AKAP6: variants seen among roughly 807,000 people sequenced by gnomAD.
AKAP6 encodes the protein A-kinase anchoring protein 6, also known as A-kinase anchor protein 6.
In AKAP6, 58 loss-of-function variants were observed where a neutral mutation model predicts 188.5. The observed-to-expected ratio is 0.31, with a 90% CI of 0.25 to 0.38. AKAP6 has a LOEUF of 0.38. Among genes scored for constraint, AKAP6 ranks in the 10% least tolerant of loss-of-function variants. AKAP6 has a pLI of 1.00. For synonymous variants in AKAP6, 989 were observed against 998.6 expected (o/e 0.99, Z 0.18); for missense variants, 2,710 against 2,740.0 (o/e 0.99, Z 0.24).
chr14:32,362,001 T>G (rs1887681068), intron 1 of AKAP6, among the ~76,000 whole-genome samples: 1 of 152,060 alleles, frequency 6.6e-6, no homozygotes, highest in South Asian at 2.1e-4. Context: ...AGGTTTGTTG[T>G]AAGAAATGAA....
intron 2 of AKAP6, among the ~76,000 whole-genome samples, chr14:32,454,164 A>C (rs1210913891): frequency 1.3e-5 from 2 of 152,206 alleles, no homozygotes; most frequent in Non-Finnish European, 2.9e-5. Context: ...AACATGTCTC[A>C]AAGTCCATTC....
intron 7 of AKAP6, among the ~76,000 whole-genome samples, chr14:32,657,667 G>T (rs1379127277): frequency 6.6e-6 from 1 of 151,766 alleles, no homozygotes; most frequent in Non-Finnish European, 1.5e-5. Context: ...AATCAGGAAG[G>T]ATATGATTAC....
At chr14:32,521,138 C>G (rs537288807) in intron 2 of AKAP6, among the ~76,000 whole-genome samples, 5 of 152,122 alleles carry the variant, frequency 3.3e-5, no homozygotes, top group Admixed American at 6.5e-5. Flanking sequence ...ATTCAACAGC[C>G]CTTCATGCTA....
intron 1 of AKAP6, among the ~76,000 whole-genome samples, chr14:32,348,641 G>A (rs920985973): frequency 2.6e-5 from 4 of 152,004 alleles, no homozygotes; most frequent in African/African-American, 9.7e-5. Flanking sequence ...TTGAACTCCT[G>A]ATCTCAAATG....
chr14:32,690,952 C>G (rs187592181), intron 8 of AKAP6, among the ~76,000 whole-genome samples: 1 of 152,220 alleles, frequency 6.6e-6, no homozygotes, highest in East Asian at 1.9e-4. Context: ...TATGAGTTTG[C>G]TTTATAACAC....
At chr14:32,736,525 A>G (rs745469826) in intron 11 of AKAP6, among the ~76,000 whole-genome samples, 4 of 152,206 alleles carry the variant, frequency 2.6e-5, no homozygotes, top group South Asian at 2.1e-4. Context: ...GTTTTCCCCT[A>G]TTGCCCAACC....
intron 1 of AKAP6, among the ~76,000 whole-genome samples, chr14:32,331,988 A>G (rs550329535): frequency 6.6e-6 from 1 of 152,248 alleles, no homozygotes; most frequent in East Asian, 1.9e-4. Flanking sequence ...AATCATAGCT[A>G]TCATTTATTC....
intron 7 of AKAP6, among the ~76,000 whole-genome samples, chr14:32,610,036 C>G (rs890514625): frequency 2.0e-5 from 3 of 152,196 alleles, no homozygotes; most frequent in East Asian, 3.9e-4. Flanking sequence ...ATAACATATT[C>G]TATTAATGCG....
intron 9 of AKAP6, among the ~76,000 whole-genome samples, chr14:32,721,651 A>G (rs1049114519): frequency 6.6e-6 from 1 of 152,102 alleles, no homozygotes; most frequent in Non-Finnish European, 1.5e-5. Flanking sequence ...TACAGCTTAC[A>G]TTTTATGTGG....
At chr14:32,372,779 T>A (rs1291388818) in intron 1 of AKAP6, among the ~76,000 whole-genome samples, 1 of 143,218 alleles carries the variant, frequency 7.0e-6, no homozygotes, top group Non-Finnish European at 1.5e-5. Flanking sequence ...TCTGTGTGTG[T>A]GTGTGTGTGT....
intron 1 of AKAP6, among the ~76,000 whole-genome samples, chr14:32,352,920 G>A (rs907543584): frequency 2.6e-5 from 4 of 152,222 alleles, no homozygotes; most frequent in African/African-American, 9.7e-5. Flanking sequence ...ATACCCAGTA[G>A]TGGAATTGCT....
At chr14:32,573,679 G>A (rs904502807) in intron 4 of AKAP6, among the ~76,000 whole-genome samples, 1 of 152,078 alleles carries the variant, frequency 6.6e-6, no homozygotes, top group Non-Finnish European at 1.5e-5. Flanking sequence ...AAAAATAAAT[G>A]ACCAATATTT....
chr14:32,672,238 A>G (rs1370505238), intron 7 of AKAP6, among the ~76,000 whole-genome samples: 1 of 152,208 alleles, frequency 6.6e-6, no homozygotes, highest in Non-Finnish European at 1.5e-5. Flanking sequence ...TGCTAAATGC[A>G]TACAAAATAA....
intron 2 of AKAP6, among the ~76,000 whole-genome samples, chr14:32,519,548 A>G (rs1219285656): frequency 2.6e-5 from 4 of 152,206 alleles, no homozygotes; most frequent in Non-Finnish European, 5.9e-5. Context: ...TTGCAATCTT[A>G]GTCTCTGATA....
At chr14:32,827,470 T>C (rs982902357) in intron 13 of AKAP6, among the ~76,000 whole-genome samples, 1 of 152,144 alleles carries the variant, frequency 6.6e-6, no homozygotes, top group East Asian at 1.9e-4. Flanking sequence ...GTTTTCCAGA[T>C]TTTCAAATGT....
At chr14:32,698,299 C>CTGCT (rs1168059005) in intron 9 of AKAP6, among the ~76,000 whole-genome samples, 3 of 152,120 alleles carry the variant, frequency 2.0e-5, no homozygotes, top group Non-Finnish European at 2.9e-5. Flanking sequence ...CTGTTCTAAT[C>CTGCT]TGCTTTTCCA....
intron 2 of AKAP6, among the ~76,000 whole-genome samples, chr14:32,519,439 T>C (rs896476778): frequency 6.6e-6 from 1 of 152,074 alleles, no homozygotes; most frequent in Non-Finnish European, 1.5e-5. Context: ...TGTGCTGTAT[T>C]CAGGAGACCC....
chr14:32,576,359 A>G (rs993994676), intron 4 of AKAP6, among the ~76,000 whole-genome samples: 1 of 152,140 alleles, frequency 6.6e-6, no homozygotes, highest in African/African-American at 2.4e-5. Context: ...TTGGGCTTTC[A>G]TATTTTCAAA....
intron 7 of AKAP6, among the ~76,000 whole-genome samples, chr14:32,616,194 G>A (rs944687689): frequency 6.6e-6 from 1 of 152,096 alleles, no homozygotes; most frequent in African/African-American, 2.4e-5. Context: ...AGCGGTGTAG[G>A]GATTTCTCAA....
Sources: gnomAD v4.1 joint callset for allele counts (sites outside exome capture counted in the v4.1 genomes callset) on GRCh38, gnomAD v4.1.1 for gene constraint, MANE v1.5 for transcripts, NCBI Gene and HGNC (gene_info 2026-07-23, HGNC 2026-07-21) for gene names.